Variants in PCDHGB7 observed in about 807,000 individuals in gnomAD.
PCDHGB7 encodes protocadherin gamma-B7.
Under a neutral mutation model 61.4 loss-of-function variants are expected in PCDHGB7, and 37 were observed. The ratio of observed to expected loss-of-function variants is 0.60; its 90% CI spans 0.46 to 0.79. PCDHGB7 has a LOEUF of 0.79. Ranked by LOEUF, PCDHGB7 falls within the 30% of genes least tolerant of loss-of-function variation. The pLI is 0.00. For missense variants in PCDHGB7, 1,166 were observed against 1,202.5 expected, an observed-to-expected ratio of 0.97 and a Z score of 0.45; for synonymous variants, 464 against 503.5, an observed-to-expected ratio of 0.92 and a Z score of 1.05.
Position 141,420,431 on chromosome 5 carries a change from A to G in PCDHGB7, c.2415+157A>G, listed in dbSNP as rs183252328. 8.4e-5 allele frequency: 96 copies of G among 1,148,758 alleles called. No individual in the cohort carries two copies. In the African/African-American group the frequency reaches 1.3e-3, roughly 16 times the overall value. The allele number at this position is 1,148,758 out of a possible 1,614,324, so 71.2% of individuals were successfully genotyped here. Reference sequence around the variant, plus strand: ...TATCATTATTAAAACAAAAGTTTAAATTAAATGCCTCAGTCTTCCTACTAT... The same window carrying G: ...TATCATTATTAAAACAAAAGTTTAAGTTAAATGCCTCAGTCTTCCTACTAT... On this transcript the variant is annotated intron_variant, in intron 1 of 3. Transcript: ENST00000398594.
At chr5:141,428,136 G>A in intron 1 of PCDHGB7, 2 of 1,600,778 alleles carry the variant, frequency 1.2e-6, no homozygotes, top group South Asian at 1.1e-5. Flanking sequence ...TTTCAGCCTG[G>A]GGCTGCACAC....
At position 141,490,960 on chromosome 5, in the gene PCDHGB7, T is replaced by G. The variant is rs1384140919; in HGVS notation, c.2416-3847T>G. 1.9e-6 allele frequency: 3 copies of G among 1,613,794 alleles called. No individual in the cohort carries two copies. In the Admixed American group the frequency reaches 5.0e-5, roughly 27 times the overall value. On this transcript the variant is annotated intron_variant, in intron 1 of 3. Transcript: ENST00000398594. The surrounding 1 kb of genome is among the most constrained non-coding windows in gnomAD (Gnocchi z 5.4). ...GCACCCACGGCCAGACTGGGAACAC[T>G]CAGCCCCCCAGCGTCTCCCTCGCTC...
In PCDHGB7 at chr5:141,432,612, C is replaced by T. The variant is rs752901891; in HGVS notation, c.2415+12338C>T. 1.9e-6 allele frequency: 3 copies of T among 1,613,912 alleles called. No individual in the cohort carries two copies. The highest frequency in any genetic ancestry group is 2.5e-6 in the Non-Finnish European group (3 of 1,179,970). On this transcript the variant is annotated intron_variant, in intron 1 of 3. Transcript: ENST00000398594. The surrounding 1 kb of genome is among the most constrained non-coding windows in gnomAD (Gnocchi z 6.0). ...AAGGCCAGCGAGCCGGGACTCTTCT[C>T]GGTGGGTCTGCACACGGGCGAGGTG...
At chr5:141,421,009 T>C (rs948913987) in intron 1 of PCDHGB7, 1 of 515,496 alleles carries the variant, frequency 1.9e-6, no homozygotes, top group East Asian at 3.2e-5. Flanking sequence ...AATCAGGGAA[T>C]GGGAAGCTGC....
intron 1 of PCDHGB7, chr5:141,427,227 A>G (rs111948686): frequency 8.8e-6 from 4 of 456,798 alleles, no homozygotes; most frequent in African/African-American, 4.0e-5. Flanking sequence ...CAGTTATACC[A>G]TGAGAGTAGA....
chr5:141,420,744 C>T (rs1202150921), intron 1 of PCDHGB7, among the ~76,000 whole-genome samples: 8 of 152,194 alleles, frequency 5.3e-5, no homozygotes, highest in Admixed American at 5.2e-4. Context: ...TCAATTGGAA[C>T]CAACTACAAC....
intron 1 of PCDHGB7, among the ~76,000 whole-genome samples, chr5:141,482,238 A>G (rs560354311): frequency 8.5e-5 from 13 of 152,304 alleles, no homozygotes; most frequent in African/African-American, 2.9e-4. Context: ...TTGCCAATAT[A>G]AGTATAGTAC....
chr5:141,510,840 A>C (rs2099882997), intron 3 of PCDHGB7, 107 bp from the exon 4 acceptor site: 1 of 1,588,450 alleles, frequency 6.3e-7, no homozygotes, highest in Non-Finnish European at 8.6e-7. Context: ...CAGCGTGGTC[A>C]AGGCCCAGGG....
intron 1 of PCDHGB7, among the ~76,000 whole-genome samples, chr5:141,463,177 A>G (rs914982793): frequency 2.6e-5 from 4 of 152,250 alleles, no homozygotes; most frequent in Admixed American, 2.6e-4. Context: ...ATGTATGCTC[A>G]GATTATTATT....
intron 1 of PCDHGB7, chr5:141,422,354 A>G: frequency 6.4e-7 from 1 of 1,557,090 alleles, no homozygotes; most frequent in Non-Finnish European, 8.6e-7. Flanking sequence ...CAAGATCAAG[A>G]TTCTGGAGAA....
intron 2 of PCDHGB7, among the ~76,000 whole-genome samples, chr5:141,497,622 C>G (rs1434147255): frequency 6.6e-6 from 1 of 151,538 alleles, no homozygotes; most frequent in African/African-American, 2.4e-5. Context: ...TCACTGCAAC[C>G]TCTGCCTGCC....
intron 1 of PCDHGB7, chr5:141,430,960 C>T (rs2097330619): frequency 6.2e-7 from 1 of 1,612,432 alleles, no homozygotes; most frequent in Non-Finnish European, 8.5e-7. Context: ...TCCGCATCAT[C>T]CCCAGAGGTA....
chr5:141,453,364 G>A (rs921978865), intron 1 of PCDHGB7, among the ~76,000 whole-genome samples: 4 of 151,814 alleles, frequency 2.6e-5, no homozygotes, highest in African/African-American at 9.7e-5. Flanking sequence ...GAACTCCTGG[G>A]GTCAAGTGAT....
intron 1 of PCDHGB7, among the ~76,000 whole-genome samples, chr5:141,480,873 C>A (rs1026513782): frequency 6.6e-6 from 1 of 152,168 alleles, no homozygotes; most frequent in East Asian, 1.9e-4. Context: ...GGTGAAACCC[C>A]GTCTCTACTA....
At chr5:141,461,830 CTT>C (rs1030113508) in intron 1 of PCDHGB7, among the ~76,000 whole-genome samples, 1 of 145,180 alleles carries the variant, frequency 6.9e-6, no homozygotes, top group Non-Finnish European at 1.5e-5. Context: ...ATTTTTTTTT[CTT>C]TTTTTTTTGA....
At chr5:141,475,950 C>T (rs1236145505) in intron 1 of PCDHGB7, 3 of 761,526 alleles carry the variant, frequency 3.9e-6, no homozygotes, top group East Asian at 2.7e-5. Context: ...CCCCTTTCTG[C>T]GCCCCGGGAT....
intron 1 of PCDHGB7, among the ~76,000 whole-genome samples, chr5:141,438,626 A>G (rs1309857700): frequency 2.3e-5 from 1 of 43,566 alleles, no homozygotes; most frequent in Non-Finnish European, 3.7e-5. Flanking sequence ...ATATATATAT[A>G]TATATATATA....
At chr5:141,452,839 C>A (rs939513310) in intron 1 of PCDHGB7, among the ~76,000 whole-genome samples, 2 of 152,092 alleles carry the variant, frequency 1.3e-5, no homozygotes, top group Non-Finnish European at 2.9e-5. Flanking sequence ...TTGGTCCAGC[C>A]CACACTCTGG....
chr5:141,446,639 G>C (rs1461520959), intron 1 of PCDHGB7, among the ~76,000 whole-genome samples: 1 of 152,116 alleles, frequency 6.6e-6, no homozygotes, highest in Non-Finnish European at 1.5e-5. Context: ...ACCACGCCTG[G>C]CTAATTTTTG....
Sources: gnomAD v4.1 joint callset for allele counts (sites outside exome capture counted in the v4.1 genomes callset) on GRCh38, gnomAD v4.1.1 for gene constraint, Gnocchi (gnomAD v3.1) non-coding constraint, MANE v1.5 for transcripts, NCBI Gene and HGNC (gene_info 2026-07-23, HGNC 2026-07-21) for gene names.